Variants in LMTK3 observed in about 807,000 individuals in gnomAD.
LMTK3 encodes lemur tail kinase 3.
In LMTK3, 27 loss-of-function variants were observed where a neutral mutation model predicts 116.7. The ratio of observed to expected loss-of-function variants is 0.23; its 90% CI spans 0.17 to 0.32. LMTK3 has a LOEUF of 0.32. Among genes scored for constraint, LMTK3 ranks in the 10% least tolerant of loss-of-function variants. LMTK3 has a pLI of 1.00. For synonymous variants in LMTK3, 965 were observed against 971.0 expected (o/e 0.99, Z 0.11); for missense variants, 1,764 against 2,068.5 (o/e 0.85, Z 2.86).
chr19:48,503,879 C>T lies in LMTK3; in HGVS notation c.558-883G>A, dbSNP rs182303659. On this transcript the variant is annotated intron_variant, in intron 5 of 14. Transcript: ENST00000600059. ...CCTCCCTCCCTCCCTCCCTTCCTTC[C>T]TCTTTGAGAGGGAGTTTCATTCTTA... 1.4e-4 allele frequency among the ~76,000 whole-genome samples: 21 copies of T among 150,968 alleles called. No homozygotes were observed. The East Asian group carries it at 3.9e-3, about 28-fold the overall frequency.
intron 11 of LMTK3, among the ~76,000 whole-genome samples, chr19:48,495,241 C>T (rs1171321839): frequency 2.0e-5 from 3 of 152,060 alleles, no homozygotes; most frequent in African/African-American, 7.3e-5. Flanking sequence ...AACTCCTGAC[C>T]TCAGGCGATC....
At chr19:48,492,616 T>C (rs965415443) in intron 12 of LMTK3, among the ~76,000 whole-genome samples, 2 of 152,080 alleles carry the variant, frequency 1.3e-5, no homozygotes, top group Non-Finnish European at 2.9e-5. Flanking sequence ...ACCTGCAGCC[T>C]AGCCATGGCC....
chr19:48,510,215 C>T (rs1295730105), intron 2 of LMTK3, 42 bp from the exon 3 acceptor site: 1 of 1,585,404 alleles, frequency 6.3e-7, no homozygotes, highest in South Asian at 1.1e-5. Flanking sequence ...GAACGCAGGG[C>T]TGAGAGACAC....
chr19:48,510,232 GTCTTTC>G (rs1483220832), intron 2 of LMTK3, 59 bp from the exon 3 acceptor site: 2 of 1,558,580 alleles, frequency 1.3e-6, no homozygotes, highest in Non-Finnish European at 1.8e-6. Flanking sequence ...ACACGCCATC[GTCTTTC>G]TCTTAAGTTT....
In LMTK3 at chr19:48,510,072, C is replaced by A; in HGVS notation, c.312G>T (p.Pro104=). 6.2e-7 allele frequency: 1 copy of A among 1,613,870 alleles called. No individual in the cohort carries two copies. The highest frequency in any genetic ancestry group is 1.7e-5 in the Admixed American group (1 of 59,998). Residue 104 remains proline, a synonymous_variant, in exon 3 of 15, where the codon CCG becomes CCT. Coordinates refer to ENST00000600059, the MANE Select transcript of LMTK3 (RefSeq NM_001388485.1). ...GCATTGGCAGGGAGACCTCAGCCAGCGGGAGAATGTAGACATCAGGCAGCG... is the reference window on the plus strand; with the variant it reads ...GCATTGGCAGGGAGACCTCAGCCAGAGGGAGAATGTAGACATCAGGCAGCG... ...SQSLPDVYIL[P]LAEVSLPMPA... is the part of the protein sequence containing the mutation.
intron 11 of LMTK3, among the ~76,000 whole-genome samples, chr19:48,495,004 G>C (rs1293058455): frequency 2.0e-5 from 3 of 150,342 alleles, no homozygotes; most frequent in African/African-American, 2.5e-5. Context: ...CATAGAGGGA[G>C]TGTTTTTTTT....
chr19:48,489,652 G>A (rs936508041), intron 14 of LMTK3, among the ~76,000 whole-genome samples: 1 of 152,218 alleles, frequency 6.6e-6, no homozygotes, highest in Non-Finnish European at 1.5e-5. Flanking sequence ...GCATACTCGG[G>A]AGGATTAAGC....
rs1972342793 is a variant in LMTK3 at position 48,497,202 on chromosome 19, A to ATTTGG, written c.3676+190_3676+191insCCAAA. ...AGATGGGTAAACTGAGGCACCGTGC[A>ATTTGG]GCAAGGACATTTGCCCAAGGCCAAA... On this transcript the variant is annotated intron_variant, in intron 11 of 14. Coordinates refer to ENST00000600059, the MANE Select transcript of LMTK3 (RefSeq NM_001388485.1). The surrounding 1 kb of genome is among the most constrained non-coding windows in gnomAD (Gnocchi z 5.7). 3.3e-5 allele frequency among the ~76,000 whole-genome samples: 5 copies of ATTTGG among 152,236 alleles called. No homozygotes were observed. The highest frequency in any genetic ancestry group is 6.5e-5 in the Admixed American group (1 of 15,284).
At chr19:48,508,767 T>C in intron 5 of LMTK3, 84 bp downstream of exon 5, 5 of 1,046,664 alleles carry the variant, frequency 4.8e-6, no homozygotes, top group Non-Finnish European at 7.5e-6. Context: ...AGAGGTAGAT[T>C]CCAGGTGTGA....
intron 9 of LMTK3, 69 bp from the exon 10 acceptor site, chr19:48,501,214 A>G: frequency 1.9e-6 from 3 of 1,606,460 alleles, no homozygotes; most frequent in Non-Finnish European, 2.6e-6. Context: ...CCATCTGTAG[A>G]ACCGGTGGCA....
intron 5 of LMTK3, among the ~76,000 whole-genome samples, chr19:48,505,527 C>T (rs1261017829): frequency 6.6e-6 from 1 of 152,018 alleles, no homozygotes; most frequent in African/African-American, 2.4e-5. Flanking sequence ...AAGTTTGAGA[C>T]CAGCTGGAGC....
In LMTK3 at chr19:48,508,895, C is replaced by T. The variant is rs780326121; in HGVS notation, c.513G>A (p.Gly171=). The change falls in exon 5 of 15, where the codon GGG becomes GGA. Residue 171 remains glycine (G), a synonymous_variant. Transcript: ENST00000600059. ...AGATGAACTTGCGTTGCTCCAGGGG[C>T]CCCGCGCTGGCTCGGAGCTCCTTCA... The part of the protein sequence containing the change: ...VVVKELRASA[G]PLEQRKFISE... 5.0e-6 allele frequency: 8 copies of T among 1,613,694 alleles called. No individual in the cohort carries two copies. Among genetic ancestry groups the T allele is most frequent in the Non-Finnish European group, 1.7e-6 (2 of 1,179,764 alleles).
In LMTK3 at chr19:48,491,344, A is replaced by C. The variant is rs1013888767; in HGVS notation, c.4228+60T>G. 1 of 1,307,972 alleles carries C rather than the reference A, an allele frequency of 7.6e-7. No individual in the cohort carries two copies. 81.0% of individuals were successfully genotyped at this position (1,307,972 alleles called of 1,614,324 possible). ...CGACCAAGCCCCTCCCACCCCATAGACCCCGCCCCGTCCGCCCCATGGCTC... is the reference window on the plus strand; with the variant it reads ...CGACCAAGCCCCTCCCACCCCATAGCCCCCGCCCCGTCCGCCCCATGGCTC... On this transcript the variant is annotated intron_variant, in intron 13 of 14. Transcript: ENST00000600059. The surrounding 1 kb of genome is among the most constrained non-coding windows in gnomAD (Gnocchi z 5.1).
chr19:48,509,557 C>T, intron 3 of LMTK3, 44 bp from the exon 4 acceptor site: 3 of 1,491,924 alleles, frequency 2.0e-6, no homozygotes, highest in Non-Finnish European at 2.7e-6. Context: ...TCTCCCCCTT[C>T]CTGAGTGCTA....
intron 14 of LMTK3, among the ~76,000 whole-genome samples, chr19:48,486,047 CTTTTTTTTTTTTTTTTT>C (rs141193575): frequency 3.7e-4 from 22 of 59,798 alleles, no homozygotes; most frequent in African/African-American, 1.6e-3. Context: ...AACATTCTTC[CTTTTTTTTTTTTTTTTT>C]TTTTTTTTTT....
chr19:48,510,436 T>C (rs1411381134), intron 2 of LMTK3, 23 bp downstream of exon 2: 2 of 1,585,536 alleles, frequency 1.3e-6, no homozygotes, highest in South Asian at 1.2e-5. Flanking sequence ...CCTCCCCAAG[T>C]TGAATCCCCT....
rs764791025 is a variant in LMTK3 at position 48,491,128 on chromosome 19, G to A, written c.4346C>T (p.Ala1449Val). Reference sequence around the variant, plus strand: ...GGTACCTGCGGGCCGGGCGTCGGGGGCCCGGGCGGGTGGCCCCGGGGTCTC... The same window carrying A: ...GGTACCTGCGGGCCGGGCGTCGGGGACCCGGGCGGGTGGCCCCGGGGTCTC... ...ALETPGPPAR[A>V]PDARPAGPVE... Residue 1449 changes from alanine (A) to valine (V), a missense_variant, in exon 14 of 15, where the codon GCC becomes GTC. Ala to Val is a moderately conservative substitution (Grantham distance 64). Coordinates refer to ENST00000600059, the MANE Select transcript of LMTK3 (RefSeq NM_001388485.1). This position sits in a 1 kb window ranked among gnomAD's most constrained non-coding sequence, Gnocchi z 5.1. The A allele has an allele frequency of 5.2e-5, 71 of 1,374,582 alleles. 1 individual carries two copies. The highest frequency in any genetic ancestry group is 1.2e-4 in the Admixed American group (4 of 32,572). 85.1% of individuals were successfully genotyped at this position (1,374,582 alleles called of 1,614,324 possible). A position where few individuals can be genotyped will look rare whatever the true frequency, so the allele number is the denominator to read the frequency against.
At chr19:48,493,582 C>A in intron 12 of LMTK3, 112 bp downstream of exon 12, 1 of 1,405,878 alleles carries the variant, frequency 7.1e-7, no homozygotes, top group Non-Finnish European at 9.4e-7. Context: ...CTCCGCCTCC[C>A]TCCAGGCCCC....
chr19:48,509,140 C>G (rs974158479), intron 4 of LMTK3, among the ~76,000 whole-genome samples, 171 bp from the exon 5 acceptor site: 1 of 152,172 alleles, frequency 6.6e-6, no homozygotes, highest in Non-Finnish European at 1.5e-5. Flanking sequence ...CTCACGGGCC[C>G]AGAATCCGAT....
Sources: gnomAD v4.1 joint callset for allele counts (sites outside exome capture counted in the v4.1 genomes callset) on GRCh38, gnomAD v4.1.1 for gene constraint, Gnocchi (gnomAD v3.1) non-coding constraint, MANE v1.5 for transcripts, NCBI Gene and HGNC (gene_info 2026-07-23, HGNC 2026-07-21) for gene names.